The following ALG14 variants were observed in gnomAD, a reference collection of about 807,000 sequenced individuals.
ALG14 encodes the protein UDP-N-acetylglucosamine transferase subunit ALG14.
ALG14 carries 17 observed loss-of-function variants against 22.8 expected under a neutral mutation model. The observed-to-expected ratio is 0.75, with a 90% CI of 0.51 to 1.12. ALG14 has a LOEUF of 1.12. Among genes scored for constraint, ALG14 ranks in the 50% most tolerant of loss-of-function variants. ALG14 has a pLI of 0.00. For missense variants in ALG14, 288 were observed against 271.8 expected (o/e 1.06, Z -0.42); for synonymous variants, 89 against 103.7 (o/e 0.86, Z 0.86).
At chr1:95,065,060 T>C (rs776264274) in intron 1 of ALG14, 43 bp from the exon 2 acceptor site, 4 of 1,567,174 alleles carry the variant, frequency 2.6e-6, no homozygotes, top group South Asian at 1.2e-5. Context: ...AAACCCACAA[T>C]GGACATATCC....
At chr1:95,040,848 C>A (rs558928575) in intron 2 of ALG14, among the ~76,000 whole-genome samples, 5 of 152,170 alleles carry the variant, frequency 3.3e-5, no homozygotes, top group African/African-American at 1.2e-4. Context: ...ACAAATTTAA[C>A]TGGCACTGGG....
Position 95,064,895 on chromosome 1 carries a change from C to G in ALG14, c.259G>C (p.Asp87His), listed in dbSNP as rs1333717428. 1 of 1,613,748 alleles carries G rather than the reference C, an allele frequency of 6.2e-7. No individual in the cohort carries two copies. Among genetic ancestry groups the G allele is most frequent in the South Asian group, 1.1e-5 (1 of 91,048 alleles). The stretch of plus-strand genomic sequence containing the variant: ...TTACTAGGGTCTCTATCAGCTCGAT[C>G]TAGTTCAAAAGAATTTATTTTATTG... ...SANKINSFEL[D>H]RADRDPSNMY... Residue 87 changes from aspartate (D) to histidine (H), a missense_variant, in exon 2 of 4, where the codon GAT becomes CAT. By Grantham distance (81) the Asp-to-His change is moderately conservative. Transcript: ENST00000370205.
chr1:95,044,787 G>T lies in ALG14; in HGVS notation c.289-17527C>A, dbSNP rs561216534. ...TCCATGATGGCAGACATTTTTTTGT[G>T]TTTTTTGTTCACTTGTGTATCCCAA... On this transcript the variant is annotated intron_variant, in intron 2 of 3. Coordinates refer to ENST00000370205, the MANE Select transcript of ALG14 (RefSeq NM_144988.4). Among the ~76,000 whole-genome samples the T allele has an allele frequency of 2.0e-3, 300 of 152,040 alleles. 2 individuals are homozygous for T. The highest frequency in any genetic ancestry group is 3.1e-3 in the Non-Finnish European group (213 of 67,996).
intron 2 of ALG14, among the ~76,000 whole-genome samples, chr1:95,049,183 T>A (rs1416685667): frequency 6.6e-6 from 1 of 152,210 alleles, no homozygotes; most frequent in Non-Finnish European, 1.5e-5. Context: ...TTAATTTTTT[T>A]CTTGCATGAG....
intron 3 of ALG14, among the ~76,000 whole-genome samples, chr1:94,997,303 T>C (rs771481272): frequency 6.6e-6 from 1 of 151,884 alleles, no homozygotes; most frequent in African/African-American, 2.4e-5. Flanking sequence ...TCTCCCAGAG[T>C]AGTCTTAAAG....
intron 1 of ALG14, among the ~76,000 whole-genome samples, chr1:95,071,296 G>A (rs1675553867): frequency 6.6e-6 from 1 of 152,156 alleles, no homozygotes; most frequent in Non-Finnish European, 1.5e-5. Context: ...TGCAACCCCA[G>A]CACTTTGGGA....
At chr1:95,055,168 T>C (rs1674884455) in intron 2 of ALG14, among the ~76,000 whole-genome samples, 1 of 152,220 alleles carries the variant, frequency 6.6e-6, no homozygotes. Flanking sequence ...TACATTATTC[T>C]CTATTTGTTG....
chr1:95,056,255 C>G (rs1307819720), intron 2 of ALG14, among the ~76,000 whole-genome samples: 1 of 152,164 alleles, frequency 6.6e-6, no homozygotes, highest in African/African-American at 2.4e-5. Flanking sequence ...ATAAATGGTG[C>G]TGGGCTGGGC....
At chr1:95,005,900 C>T (rs11165285) in intron 3 of ALG14, among the ~76,000 whole-genome samples, 26,828 of 152,116 alleles carry the variant, frequency 0.18, 3,027 homozygotes, top group East Asian at 0.58. Context: ...TGGACATCTA[C>T]GTAGTGAAAA....
rs1221937128 is a variant in ALG14 at position 95,008,918 on chromosome 1, A to G, written c.420+18211T>C. On this transcript the variant is annotated intron_variant, in intron 3 of 3. Transcript: ENST00000370205. Reference sequence around the variant, plus strand: ...CTACCCCAAAGAAGTGGACTCAGACAGTATTAGTCCTTTTGTGCTGGCTTA... The same window carrying G: ...CTACCCCAAAGAAGTGGACTCAGACGGTATTAGTCCTTTTGTGCTGGCTTA... 7.9e-5 allele frequency among the ~76,000 whole-genome samples: 12 copies of G among 152,288 alleles called. No homozygotes were observed. The East Asian group carries it at 2.1e-3, about 27-fold the overall frequency.
At chr1:95,055,731 A>G (rs1456321792) in intron 2 of ALG14, among the ~76,000 whole-genome samples, 1 of 149,726 alleles carries the variant, frequency 6.7e-6, no homozygotes, top group Non-Finnish European at 1.5e-5. Flanking sequence ...GGTGGCTCAC[A>G]CCTGTAATCC....
intron 3 of ALG14, among the ~76,000 whole-genome samples, chr1:94,985,892 GAA>G (rs375946092): frequency 7.0e-6 from 1 of 142,528 alleles, no homozygotes. Flanking sequence ...ATCAAGGACT[GAA>G]AAAAAAAAAG....
Position 94,982,697 on chromosome 1 carries a change from T to TAAAAAAAAAAAAAAAAAAAA in ALG14, c.*378_*379insTTTTTTTTTTTTTTTTTTTT, listed in dbSNP as rs1557935948. The TAAAAAAAAAAAAAAAAAAAA allele has an allele frequency of 8.4e-5, 1 of 11,874 alleles. No homozygotes were observed. Among genetic ancestry groups the TAAAAAAAAAAAAAAAAAAAA allele is most frequent in the Non-Finnish European group, 1.4e-4 (1 of 7,314 alleles). The allele number at this position is 11,874 out of a possible 1,614,324, so 0.7% of individuals were successfully genotyped here. On this transcript the variant is annotated 3_prime_UTR_variant, in exon 4 of 4. Coordinates refer to ENST00000370205, the MANE Select transcript of ALG14 (RefSeq NM_144988.4). ...TCTTCTTTTACAATGCAGAATACTT[T>TAAAAAAAAAAAAAAAAAAAA]ACAAAAAAAAAAAAAAAAAAAAAAA...
intron 2 of ALG14, among the ~76,000 whole-genome samples, chr1:95,049,866 G>C (rs547585108): frequency 6.6e-6 from 1 of 151,736 alleles, no homozygotes; most frequent in South Asian, 2.1e-4. Context: ...GAGAGATCCC[G>C]TCCCAAAAAA....
At chr1:95,029,208 A>AC (rs35777613) in intron 2 of ALG14, among the ~76,000 whole-genome samples, 1 of 151,880 alleles carries the variant, frequency 6.6e-6, no homozygotes, top group Non-Finnish European at 1.5e-5. Flanking sequence ...TGGCTCACTC[A>AC]ATGGCTGGCC....
intron 2 of ALG14, among the ~76,000 whole-genome samples, chr1:95,053,690 C>T (rs893348028): frequency 5.9e-5 from 9 of 152,078 alleles, no homozygotes; most frequent in African/African-American, 9.6e-5. Flanking sequence ...CCTCCCACAG[C>T]GTTAGGATTA....
At chr1:95,007,176 T>G (rs1419345303) in intron 3 of ALG14, among the ~76,000 whole-genome samples, 1 of 152,224 alleles carries the variant, frequency 6.6e-6, no homozygotes, top group Non-Finnish European at 1.5e-5. Context: ...TTTTTAATAC[T>G]TGCAAGTAGA....
At chr1:95,014,851 G>A (rs1301712854) in intron 3 of ALG14, among the ~76,000 whole-genome samples, 1 of 152,112 alleles carries the variant, frequency 6.6e-6, no homozygotes, top group Admixed American at 6.5e-5. Flanking sequence ...GCTATCTTAA[G>A]AAATAAAAAG....
chr1:95,071,670 C>T (rs1383724467), intron 1 of ALG14, among the ~76,000 whole-genome samples: 2 of 152,236 alleles, frequency 1.3e-5, no homozygotes, highest in East Asian at 1.9e-4. Flanking sequence ...CTTCTTTTCA[C>T]ATCCTCCCAG....
Sources: gnomAD v4.1 joint callset for allele counts (sites outside exome capture counted in the v4.1 genomes callset) on GRCh38, gnomAD v4.1.1 for gene constraint, MANE v1.5 for transcripts, NCBI Gene and HGNC (gene_info 2026-07-23, HGNC 2026-07-21) for gene names.